Variants in ARHGAP23 observed in about 807,000 individuals in gnomAD.
The protein encoded by ARHGAP23 is Rho GTPase activating protein 23.
A neutral mutation model predicts 136.3 loss-of-function variants in ARHGAP23; 34 were observed. The observed-to-expected ratio is 0.25, with a 90% CI of 0.19 to 0.33. The LOEUF is 0.33. Ranked by LOEUF, ARHGAP23 falls within the 10% of genes least tolerant of loss-of-function variation. The probability of loss-of-function intolerance (pLI) is 1.00; values close to 1 mark genes in which losing one functional copy is unlikely to be tolerated. For synonymous variants in ARHGAP23, 832 were observed against 920.5 expected (o/e 0.90, Z 1.74); for missense variants, 1,808 against 2,139.0 (o/e 0.85, Z 3.05).
At chr17:38,429,004 T>A (rs1422797690) in intron 1 of ARHGAP23, among the ~76,000 whole-genome samples, 1 of 151,994 alleles carries the variant, frequency 6.6e-6, no homozygotes, top group Non-Finnish European at 1.5e-5. Flanking sequence ...GAGCGGGACG[T>A]CCTCCACTAA....
Position 38,509,381 on chromosome 17 carries a change from G to T in ARHGAP23, c.3448-563G>T, listed in dbSNP as rs149915269. ...TGGGGATTGGCGGGGTGGGGAGCTG[G>T]TGGGGTCCGGCGGAAAGGGGAGGAC... is the stretch of plus-strand genomic sequence containing the variant. On this transcript the variant is annotated intron_variant, in intron 23 of 23. Transcript: ENST00000622683. Among the ~76,000 whole-genome samples the T allele has an allele frequency of 8.6e-3, 1,311 of 152,246 alleles. 16 individuals are homozygous for T. Among genetic ancestry groups the T allele is most frequent in the African/African-American group, 0.03 (1,252 of 41,534 alleles).
rs1344840490 is a variant in ARHGAP23, at chr17:38,467,259, G to A, written c.1576G>A (p.Gly526Arg). 1 of 1,548,780 alleles carries A rather than the reference G, an allele frequency of 6.5e-7. No individual in the cohort carries two copies. The highest frequency in any genetic ancestry group is 1.2e-5 in the South Asian group (1 of 83,832). Residue 526 changes from glycine to arginine, a missense_variant, in exon 7 of 24, where the codon GGG becomes AGG. Transcript: ENST00000622683. Reference protein sequence around the residue: ...ESPEPEASGRGERLGRKVAPL... With the variant: ...ESPEPEASGRRERLGRKVAPL... The stretch of plus-strand genomic sequence containing the variant: ...CCCAGAGCCAGAGGCCAGTGGGCGA[G>A]GGGAACGCCTGGGCAGGAAGGTGGC...
chr17:38,482,390 T>A, intron 15 of ARHGAP23, 133 bp from the exon 16 acceptor site: 1 of 1,061,592 alleles, frequency 9.4e-7, no homozygotes, highest in Non-Finnish European at 1.3e-6. Flanking sequence ...GCTCCCAGAC[T>A]GGAGGCAGCA....
At chr17:38,490,961 C>T (rs2040265108) in intron 19 of ARHGAP23, among the ~76,000 whole-genome samples, 1 of 152,240 alleles carries the variant, frequency 6.6e-6, no homozygotes, top group African/African-American at 2.4e-5. Flanking sequence ...CTCTGCCGCT[C>T]AGGCTGCAGT....
chr17:38,498,885 GC>G (rs1008285172), intron 22 of ARHGAP23: 9 of 680,124 alleles, frequency 1.3e-5, no homozygotes, highest in Admixed American at 1.3e-4. Context: ...TTCTCCCCGT[GC>G]TCTCCTCCCA....
rs2040274544 is a variant in ARHGAP23 at position 38,491,335 on chromosome 17, G to A, written c.3151-72G>A. On this transcript the variant is annotated intron_variant, in intron 19 of 23. Transcript: ENST00000622683. ...TGGTGAGGATGTAGTTGGGGACAGA[G>A]GCCTCAGGTGCCAGAGTGAGGGAGG... The A allele has an allele frequency of 2.6e-6, 4 of 1,542,722 alleles. No individual in the cohort carries two copies. The African/African-American group carries it at 5.5e-5, about 21-fold the overall frequency.
intron 3 of ARHGAP23, 47 bp downstream of exon 3, chr17:38,460,979 C>T (rs771135797): frequency 6.5e-7 from 1 of 1,531,994 alleles, no homozygotes; most frequent in Non-Finnish European, 8.7e-7. Context: ...ACTCCTCTTC[C>T]AGCTCCTGTC....
At chr17:38,485,656 G>A (rs1274552173) in intron 16 of ARHGAP23, among the ~76,000 whole-genome samples, 1 of 152,136 alleles carries the variant, frequency 6.6e-6, no homozygotes, top group African/African-American at 2.4e-5. Context: ...GTGTGGAGGC[G>A]GGGAGGAAAG....
intron 1 of ARHGAP23, among the ~76,000 whole-genome samples, chr17:38,437,745 C>G (rs1161563229): frequency 6.6e-6 from 1 of 151,434 alleles, no homozygotes; most frequent in Non-Finnish European, 1.5e-5. Flanking sequence ...AAGTTAGACC[C>G]TCTTTTCCAC....
chr17:38,477,610 G>A lies in ARHGAP23; in HGVS notation c.2150G>A (p.Arg717Gln), dbSNP rs1406312153. 1.1e-5 allele frequency: 14 copies of A among 1,280,088 alleles called. No homozygotes were observed. The highest frequency in any genetic ancestry group is 3.4e-5 in the East Asian group (1 of 29,112). The allele number at this position is 1,280,088 out of a possible 1,614,324, so 79.3% of individuals were successfully genotyped here. The change falls in exon 12 of 24, where the codon CGG becomes CAG. Residue 717 changes from arginine to glutamine, a missense_variant. By Grantham distance (43) the Arg-to-Gln change is conservative. Coordinates refer to ENST00000622683, the MANE Select transcript of ARHGAP23 (RefSeq NM_001199417.2). The surrounding 1 kb of genome is among the most constrained non-coding windows in gnomAD (Gnocchi z 6.6). ...GGCAGCGGCCTGCGCCAGTGGAAGC[G>A]GGTGTACGCCGCGCTGCGGGCGCGC... ...KAGSGLRQWK[R>Q]VYAALRARSL...
At chr17:38,484,187 C>G (rs781129335) in intron 16 of ARHGAP23, among the ~76,000 whole-genome samples, 1 of 151,808 alleles carries the variant, frequency 6.6e-6, no homozygotes, top group Non-Finnish European at 1.5e-5. Flanking sequence ...TTGGTGGTCT[C>G]AGGGGAAGGG....
chr17:38,480,004 A>G lies in ARHGAP23; in HGVS notation c.2629+121A>G, dbSNP rs191716454. 12,296 of 1,383,450 alleles carry G rather than the reference A, an allele frequency of 8.9e-3. 62 individuals carry two copies. The highest frequency in any genetic ancestry group is 0.01 in the Non-Finnish European group (10,680 of 1,017,924). 85.7% of individuals were successfully genotyped at this position (1,383,450 alleles called of 1,614,324 possible). On this transcript the variant is annotated intron_variant, in intron 14 of 23. Transcript: ENST00000622683. ...GTGTGCCTGACTGTGTGCCAGGGCT[A>G]CCGGTATGTCTGTCTGCGTGTGCAT...
Position 38,440,113 on chromosome 17 carries a change from G to A in ARHGAP23, c.63+11565G>A, listed in dbSNP as rs1291953624. ...CTCTGCTCACTGCAACCTCCTCCTGGGTTCAAGCGATTCTCCTGCCTCAGC... is the reference window on the plus strand; with the variant it reads ...CTCTGCTCACTGCAACCTCCTCCTGAGTTCAAGCGATTCTCCTGCCTCAGC... On this transcript the variant is annotated intron_variant, in intron 1 of 23. Transcript: ENST00000622683. Among the ~76,000 whole-genome samples, 28 of 152,112 alleles carry A rather than the reference G, an allele frequency of 1.8e-4. 1 individual carries two copies. Among genetic ancestry groups the A allele is most frequent in the Admixed American group, 1.8e-3 (28 of 15,266 alleles).
At chr17:38,472,301 G>A (rs1293583554) in intron 11 of ARHGAP23, among the ~76,000 whole-genome samples, 3 of 152,226 alleles carry the variant, frequency 2.0e-5, no homozygotes, top group Admixed American at 2.0e-4. Context: ...TCCTGAAGAT[G>A]GCCGCTGGGG....
chr17:38,490,066 C>T (rs2144750256), intron 17 of ARHGAP23, 36 bp from the exon 18 acceptor site: 2 of 1,545,280 alleles, frequency 1.3e-6, no homozygotes, highest in South Asian at 1.2e-5. Context: ...GAAGGCGCTG[C>T]CCCCACCTCT....
At chr17:38,463,782 A>C (rs1407204847) in intron 6 of ARHGAP23, among the ~76,000 whole-genome samples, 1 of 151,768 alleles carries the variant, frequency 6.6e-6, no homozygotes, top group Non-Finnish European at 1.5e-5. Context: ...AGCACACTGC[A>C]CCCCACCCAC....
intron 6 of ARHGAP23, among the ~76,000 whole-genome samples, chr17:38,465,433 C>A (rs2039566372): frequency 6.6e-6 from 1 of 152,166 alleles, no homozygotes; most frequent in African/African-American, 2.4e-5. Flanking sequence ...AGTTAGGCTC[C>A]TGGGCAGCTC....
chr17:38,439,102 G>A (rs568511863), intron 1 of ARHGAP23, among the ~76,000 whole-genome samples: 4 of 151,846 alleles, frequency 2.6e-5, no homozygotes, highest in East Asian at 1.9e-4. Context: ...ACTTGAACCC[G>A]GGAGGTGGAG....
chr17:38,507,833 A>T (rs1567833273), intron 23 of ARHGAP23, among the ~76,000 whole-genome samples: 1 of 152,206 alleles, frequency 6.6e-6, no homozygotes, highest in Non-Finnish European at 1.5e-5. Context: ...TCTCAGAACT[A>T]ATTAATGTGA....
Sources: gnomAD v4.1 joint callset for allele counts (sites outside exome capture counted in the v4.1 genomes callset) on GRCh38, gnomAD v4.1.1 for gene constraint, Gnocchi (gnomAD v3.1) non-coding constraint, MANE v1.5 for transcripts, NCBI Gene and HGNC (gene_info 2026-07-23, HGNC 2026-07-21) for gene names.